The following CNTLN variants were observed in gnomAD, a reference collection of about 807,000 sequenced individuals.
The protein encoded by CNTLN is centlein, centrosomal protein.
Under a neutral mutation model 180.0 loss-of-function variants are expected in CNTLN, and 212 were observed. The observed-to-expected ratio is 1.18, with a 90% CI of 1.05 to 1.32. CNTLN has a LOEUF of 1.32. Among genes scored for constraint, CNTLN ranks in the 40% most tolerant of loss-of-function variants. The pLI, the probability that CNTLN is intolerant of heterozygous loss-of-function variation, is 0.00. For synonymous variants in CNTLN, 722 were observed against 563.1 expected, an observed-to-expected ratio of 1.28 and a Z score of -3.99; for missense variants, 2,095 against 1,610.9, an observed-to-expected ratio of 1.30 and a Z score of -5.14.
intron 2 of CNTLN, among the ~76,000 whole-genome samples, chr9:17,200,704 G>T (rs937831720): frequency 3.9e-5 from 6 of 152,174 alleles, no homozygotes; most frequent in African/African-American, 1.4e-4. Flanking sequence ...AGACTTTGCT[G>T]AAGTTGCTTA....
intron 2 of CNTLN, among the ~76,000 whole-genome samples, chr9:17,156,742 G>T (rs1819319519): frequency 6.6e-6 from 1 of 152,054 alleles, no homozygotes; most frequent in Non-Finnish European, 1.5e-5. Context: ...AGCAAATATT[G>T]CAATAAAGCA....
At chr9:17,437,789 A>C (rs1371396186) in intron 18 of CNTLN, among the ~76,000 whole-genome samples, 1 of 152,146 alleles carries the variant, frequency 6.6e-6, no homozygotes. Flanking sequence ...ATAAAAGGAA[A>C]CTGTGAGATA....
chr9:17,337,485 A>T (rs1821130402), intron 10 of CNTLN, among the ~76,000 whole-genome samples: 1 of 152,184 alleles, frequency 6.6e-6, no homozygotes, highest in Admixed American at 6.5e-5. Flanking sequence ...TAGGAAAATC[A>T]AAATTATTTG....
the CNTLN span, among the ~76,000 whole-genome samples, chr9:17,523,910 A>C: frequency 6.6e-6 from 1 of 152,176 alleles, no homozygotes; most frequent in Admixed American, 6.5e-5. Flanking sequence ...ACCCCTGTGG[A>C]TCTGTAGAAA....
At chr9:17,335,120 A>G (rs1229530419) in intron 10 of CNTLN, among the ~76,000 whole-genome samples, 1 of 152,130 alleles carries the variant, frequency 6.6e-6, no homozygotes, top group Non-Finnish European at 1.5e-5. Context: ...CTTTTATTCT[A>G]TTGAGGTTTT....
the CNTLN span, among the ~76,000 whole-genome samples, chr9:17,513,716 A>G: frequency 1.3e-5 from 2 of 152,138 alleles, no homozygotes; most frequent in Non-Finnish European, 2.9e-5. Context: ...AAAAACAAAT[A>G]AATAAGAAAT....
intron 6 of CNTLN, among the ~76,000 whole-genome samples, chr9:17,295,993 AGAGAGT>A (rs1170060278): frequency 0.051 from 4,141 of 80,496 alleles, 99 homozygotes; most frequent in East Asian, 0.33. Flanking sequence ...AGAGAGAGAG[AGAGAGT>A]GTGTGTGTGT....
intron 15 of CNTLN, among the ~76,000 whole-genome samples, chr9:17,405,720 C>T (rs1827333254): frequency 1.3e-5 from 2 of 151,830 alleles, no homozygotes; most frequent in South Asian, 4.2e-4. Context: ...ATTGTTACCA[C>T]CTATATTCCA....
chr9:17,501,495 G>A (rs1833753088), intron 25 of CNTLN, among the ~76,000 whole-genome samples: 1 of 152,152 alleles, frequency 6.6e-6, no homozygotes, highest in Non-Finnish European at 1.5e-5. Context: ...ATTCTGATTG[G>A]TTTAATTATA....
chr9:17,313,339 A>C (rs1158221287), intron 8 of CNTLN, among the ~76,000 whole-genome samples: 3 of 152,054 alleles, frequency 2.0e-5, no homozygotes, highest in Non-Finnish European at 4.4e-5. Context: ...GTACCATATT[A>C]TCATTTGTTT....
chr9:17,309,522 G>A (rs964447855), intron 8 of CNTLN, among the ~76,000 whole-genome samples: 1 of 151,994 alleles, frequency 6.6e-6, no homozygotes, highest in Admixed American at 6.5e-5. Flanking sequence ...TTATTGAAAA[G>A]CAAATTAATA....
At position 17,308,617 on chromosome 9, in the gene CNTLN, A is replaced by T. The variant is rs1188002349; in HGVS notation, c.1147-441A>T. ...CTGTCCTTTCCTATCGTTGTACATAATTTTTTTTCACATTTCTTCTATCTT... is the reference window on the plus strand; with the variant it reads ...CTGTCCTTTCCTATCGTTGTACATATTTTTTTTTCACATTTCTTCTATCTT... On this transcript the variant is annotated intron_variant, in intron 7 of 25. Transcript: ENST00000380647. Among the ~76,000 whole-genome samples, 4 of 151,494 alleles carry T rather than the reference A, an allele frequency of 2.6e-5. 1 individual carries two copies. The highest frequency in any genetic ancestry group is 7.3e-5 in the African/African-American group (3 of 41,234).
chr9:17,502,880 T>C lies in CNTLN; in HGVS notation c.*228T>C, dbSNP rs1833827146. The C allele has an allele frequency of 4.0e-6, 1 of 248,348 alleles. No individual in the cohort carries two copies. The highest frequency in any genetic ancestry group is 2.2e-5 in the African/African-American group (1 of 44,760). 15.4% of individuals were successfully genotyped at this position (248,348 alleles called of 1,614,324 possible). ...GCATCTGATGGTCGAATACAAATAT[T>C]GCCACAAATCAGTGCAAACTTAAAA... On this transcript the variant is annotated 3_prime_UTR_variant, in exon 26 of 26. Transcript: ENST00000380647.
chr9:17,311,075 A>T (rs1819098683), intron 8 of CNTLN, among the ~76,000 whole-genome samples: 2 of 151,736 alleles, frequency 1.3e-5, no homozygotes, highest in South Asian at 4.2e-4. Flanking sequence ...TCCAGGCTGG[A>T]GTGCAATGGT....
chr9:17,151,589 G>C (rs1818883972), intron 2 of CNTLN, among the ~76,000 whole-genome samples: 2 of 151,700 alleles, frequency 1.3e-5, no homozygotes, highest in Admixed American at 1.3e-4. Flanking sequence ...TTTTCGCATT[G>C]ATGTTCATCA....
intron 13 of CNTLN, among the ~76,000 whole-genome samples, chr9:17,386,693 C>T (rs564680693): frequency 1.3e-5 from 2 of 152,282 alleles, no homozygotes; most frequent in South Asian, 4.1e-4. Flanking sequence ...CAGTGGACCT[C>T]ACACACATCC....
At chr9:17,292,974 T>C (rs1829513139) in intron 6 of CNTLN, among the ~76,000 whole-genome samples, 1 of 152,230 alleles carries the variant, frequency 6.6e-6, no homozygotes, top group Non-Finnish European at 1.5e-5. Context: ...TTGATGCTGT[T>C]ATTGTTGTTG....
chr9:17,434,584 A>T (rs1476880888), intron 18 of CNTLN, among the ~76,000 whole-genome samples: 4 of 151,966 alleles, frequency 2.6e-5, no homozygotes, highest in African/African-American at 9.7e-5. Context: ...ACCAGAGGCT[A>T]GTCTGTGTAT....
intron 23 of CNTLN, among the ~76,000 whole-genome samples, chr9:17,481,139 G>A (rs911589697): frequency 6.6e-6 from 1 of 152,092 alleles, no homozygotes; most frequent in African/African-American, 2.4e-5. Flanking sequence ...TCTGGACCCC[G>A]CCGACCAAGG....
Sources: gnomAD v4.1 joint callset for allele counts (sites outside exome capture counted in the v4.1 genomes callset) on GRCh38, gnomAD v4.1.1 for gene constraint, MANE v1.5 for transcripts, NCBI Gene and HGNC (gene_info 2026-07-23, HGNC 2026-07-21) for gene names.